The following ASTN2 variants were observed in gnomAD, a reference collection of about 807,000 sequenced individuals.
ASTN2 encodes the protein astrotactin-2.
ASTN2 carries 54 observed loss-of-function variants against 139.8 expected under a neutral mutation model. The ratio of observed to expected loss-of-function variants is 0.39; its 90% confidence interval spans 0.31 to 0.48. The LOEUF (loss-of-function observed/expected upper bound fraction) is 0.48, where lower values mean the gene tolerates loss of function less well. Among genes scored for constraint, ASTN2 ranks in the 20% least tolerant of loss-of-function variants. The pLI is 0.95. For missense variants in ASTN2, 1,565 were observed against 1,725.1 expected (o/e 0.91, Z 1.64); for synonymous variants, 756 against 719.5 (o/e 1.05, Z -0.81).
intron 13 of ASTN2, among the ~76,000 whole-genome samples, chr9:116,778,066 T>G (rs554363390): frequency 6.6e-6 from 1 of 152,118 alleles, no homozygotes; most frequent in South Asian, 2.1e-4. Context: ...AGGCTGGTCT[T>G]GAACTTCTGA....
At chr9:116,830,808 AGAAG>A (rs1831790648) in intron 11 of ASTN2, among the ~76,000 whole-genome samples, 1 of 151,074 alleles carries the variant, frequency 6.6e-6, no homozygotes, top group Non-Finnish European at 1.5e-5. Flanking sequence ...AAAAAAAAGA[AGAAG>A]AAGAAAAAAA....
Position 116,627,229 on chromosome 9 carries a change from T to C in ASTN2, c.3073-6786A>G, listed in dbSNP as rs545150902. On this transcript the variant is annotated intron_variant, in intron 17 of 22. Coordinates refer to ENST00000313400, the MANE Select transcript of ASTN2 (RefSeq NM_001365068.1). ...CAAGTGAGATGAGTCATGTCAAAAA[T>C]TGCCTGGAAAAGGTAGCAACTAGGG... Among the ~76,000 whole-genome samples, 175 of 152,224 alleles carry C rather than the reference T, an allele frequency of 1.1e-3. 1 individual carries two copies. The highest frequency in any genetic ancestry group is 2.3e-3 in the Non-Finnish European group (155 of 68,008).
intron 13 of ASTN2, among the ~76,000 whole-genome samples, chr9:116,747,693 GCACACACACACACACACA>G (rs56265727): frequency 6.7e-6 from 1 of 149,048 alleles, no homozygotes; most frequent in Non-Finnish European, 1.5e-5. Context: ...GTGTGCATGA[GCACACACACACACACACA>G]CACACACACA....
intron 16 of ASTN2, among the ~76,000 whole-genome samples, chr9:116,673,185 G>A (rs1016299558): frequency 6.6e-6 from 1 of 152,266 alleles, no homozygotes; most frequent in African/African-American, 2.4e-5. Context: ...TATGCTTGGG[G>A]CTGCTCCCAC....
intron 13 of ASTN2, among the ~76,000 whole-genome samples, chr9:116,803,386 G>T (rs1830920850): frequency 6.9e-6 from 1 of 145,836 alleles, no homozygotes; most frequent in Non-Finnish European, 1.5e-5. Flanking sequence ...CATGATCATA[G>T]CTCACTGTAA....
chr9:116,942,130 C>T (rs1835259372), intron 10 of ASTN2, among the ~76,000 whole-genome samples: 1 of 151,670 alleles, frequency 6.6e-6, no homozygotes, highest in Non-Finnish European at 1.5e-5. Flanking sequence ...CACACACACA[C>T]AATGTGGTCC....
chr9:116,725,669 G>C, intron 16 of ASTN2, 102 bp downstream of exon 16: 1 of 1,224,764 alleles, frequency 8.2e-7, no homozygotes. Context: ...CTTAGACGTG[G>C]CAGAGCCAGG....
intron 19 of ASTN2, among the ~76,000 whole-genome samples, chr9:116,557,051 C>T (rs1209850808): frequency 6.6e-6 from 1 of 151,440 alleles, no homozygotes; most frequent in Admixed American, 6.6e-5. Flanking sequence ...GAAACCCCGC[C>T]TCTACTAAAA....
intron 10 of ASTN2, among the ~76,000 whole-genome samples, chr9:116,924,937 T>A: frequency 6.6e-6 from 1 of 152,104 alleles, no homozygotes; most frequent in Non-Finnish European, 1.5e-5. Flanking sequence ...CAAGATGAAG[T>A]CACTGTGGTT....
chr9:116,735,937 A>G (rs190291052), intron 13 of ASTN2, among the ~76,000 whole-genome samples: 109 of 152,340 alleles, frequency 7.2e-4, no homozygotes, highest in African/African-American at 2.6e-3. Context: ...CAATAACAAT[A>G]GCCTTTTATT....
intron 13 of ASTN2, among the ~76,000 whole-genome samples, chr9:116,741,812 T>G (rs1829102712): frequency 6.6e-6 from 1 of 152,230 alleles, no homozygotes; most frequent in South Asian, 2.1e-4. Flanking sequence ...CCTGAAGCTC[T>G]GCCCTCTTAA....
At position 116,425,265 on chromosome 9, in the gene ASTN2, G is replaced by T; in HGVS notation, c.*586C>A. 2.4e-6 allele frequency: 1 copy of T among 414,758 alleles called. No homozygotes were observed. The highest frequency in any genetic ancestry group is 4.3e-6 in the Non-Finnish European group (1 of 230,566). The allele number at this position is 414,758 out of a possible 1,614,324, so 25.7% of individuals were successfully genotyped here. A position where few individuals can be genotyped will look rare whatever the true frequency, so the allele number is the denominator to read the frequency against. On this transcript the variant is annotated 3_prime_UTR_variant, in exon 23 of 23. Transcript: ENST00000313400. ...GAATTTTTAATGCATGGACAGGCCT[G>T]CAGGGACTCTGGGCAGACCCACAGG...
chr9:117,343,839 A>G (rs777024580), intron 1 of ASTN2, among the ~76,000 whole-genome samples: 2 of 152,190 alleles, frequency 1.3e-5, no homozygotes, highest in South Asian at 4.1e-4. Flanking sequence ...CACCTGGCAC[A>G]ATCCCTGATT....
At chr9:116,553,552 A>G (rs1182413068) in intron 19 of ASTN2, among the ~76,000 whole-genome samples, 1 of 152,184 alleles carries the variant, frequency 6.6e-6, no homozygotes, top group Non-Finnish European at 1.5e-5. Flanking sequence ...CCACTCTCAA[A>G]ATGTTTATAA....
chr9:117,114,763 G>C (rs1351365333), intron 4 of ASTN2, among the ~76,000 whole-genome samples: 2 of 152,124 alleles, frequency 1.3e-5, no homozygotes, highest in African/African-American at 4.8e-5. Context: ...TGCATGGCCA[G>C]GTCAGAAAAG....
At chr9:117,389,542 G>T (rs186270889) in intron 1 of ASTN2, among the ~76,000 whole-genome samples, 1 of 152,130 alleles carries the variant, frequency 6.6e-6, no homozygotes, top group African/African-American at 2.4e-5. Context: ...AGTAGGGTAT[G>T]GGCACCCTTT....
At chr9:116,805,854 A>G in intron 12 of ASTN2, 34 bp from the exon 13 acceptor site, 2 of 1,601,040 alleles carry the variant, frequency 1.2e-6, no homozygotes, top group Non-Finnish European at 1.7e-6. Context: ...AATTAGCTTC[A>G]CATCCTGAAT....
chr9:117,320,064 A>G (rs559817637), intron 1 of ASTN2, among the ~76,000 whole-genome samples: 1 of 152,320 alleles, frequency 6.6e-6, no homozygotes, highest in Admixed American at 6.5e-5. Flanking sequence ...AGGGTAGCAA[A>G]GTCAAATTAA....
intron 19 of ASTN2, chr9:116,562,310 C>G (rs1270358647): frequency 1.3e-5 from 2 of 152,172 alleles, no homozygotes; most frequent in Non-Finnish European, 2.9e-5. Flanking sequence ...CAACGTTTTT[C>G]CAAACTAACT....
Sources: gnomAD v4.1 joint callset for allele counts (sites outside exome capture counted in the v4.1 genomes callset) on GRCh38, gnomAD v4.1.1 for gene constraint, MANE v1.5 for transcripts, NCBI Gene and HGNC (gene_info 2026-07-23, HGNC 2026-07-21) for gene names.